The following RNF38 variants were observed in gnomAD, a reference collection of about 807,000 sequenced individuals.
RNF38 encodes the protein ring finger protein 38, also known as E3 ubiquitin-protein ligase RNF38.
Under a neutral mutation model 67.2 loss-of-function variants are expected in RNF38, and 15 were observed. The ratio of observed to expected loss-of-function variants is 0.22; its 90% CI spans 0.15 to 0.34. The LOEUF is 0.34. Among genes scored for constraint, RNF38 ranks in the 10% least tolerant of loss-of-function variants. The pLI is 1.00. For missense variants in RNF38, 524 were observed against 639.9 expected (o/e 0.82, Z 1.95); for synonymous variants, 220 against 218.8 (o/e 1.01, Z -0.05).
intron 1 of RNF38, among the ~76,000 whole-genome samples, chr9:36,482,984 C>G (rs1840312883): frequency 6.6e-6 from 1 of 152,200 alleles, no homozygotes; most frequent in South Asian, 2.1e-4. Flanking sequence ...ACACCAGGTA[C>G]TCATCTTGGT....
intron 2 of RNF38, among the ~76,000 whole-genome samples, chr9:36,423,359 T>C (rs1451286050): frequency 3.3e-5 from 5 of 152,068 alleles, no homozygotes; most frequent in Non-Finnish European, 5.9e-5. Context: ...AAAGAAACCA[T>C]TTGGAAAATC....
intron 2 of RNF38, among the ~76,000 whole-genome samples, chr9:36,412,799 G>A (rs187030130): frequency 5.9e-5 from 9 of 152,248 alleles, no homozygotes; most frequent in Non-Finnish European, 8.8e-5. Context: ...AGGGTCAGGC[G>A]CGGTGGTTCA....
At chr9:36,401,918 C>G (rs1369317500), upstream of RNF38, among the ~76,000 whole-genome samples, 1 of 152,224 alleles carries the variant, frequency 6.6e-6, no homozygotes, top group African/African-American at 2.4e-5. Context: ...CTTTCCCTCT[C>G]TGGGCCTCAG....
chr9:36,358,001 C>CA, intron 4 of RNF38, 59 bp from the exon 5 acceptor site: 1 of 1,420,342 alleles, frequency 7.0e-7, no homozygotes, highest in East Asian at 2.3e-5. Flanking sequence ...GTTAACTATT[C>CA]AAAATCAACA....
chr9:36,394,831 C>T (rs1837401085), intron 1 of RNF38, among the ~76,000 whole-genome samples: 1 of 152,202 alleles, frequency 6.6e-6, no homozygotes, highest in South Asian at 2.1e-4. Context: ...CTATTTAAAA[C>T]CATTTTTAGT....
At chr9:36,376,608 C>A (rs1041482099) in intron 2 of RNF38, among the ~76,000 whole-genome samples, 1 of 152,052 alleles carries the variant, frequency 6.6e-6, no homozygotes, top group African/African-American at 2.4e-5. Context: ...TCTGTTTAGG[C>A]CACTATATTT....
At chr9:36,349,968 G>A (rs1458438211) in intron 9 of RNF38, among the ~76,000 whole-genome samples, 2 of 151,930 alleles carry the variant, frequency 1.3e-5, no homozygotes, top group Non-Finnish European at 2.9e-5. Flanking sequence ...ACAGGCACCC[G>A]CCACCACGCC....
chr9:36,358,414 CTGA>C (rs1261312309), intron 4 of RNF38, among the ~76,000 whole-genome samples: 3 of 152,202 alleles, frequency 2.0e-5, no homozygotes, highest in Non-Finnish European at 2.9e-5. Context: ...GCAAACGATG[CTGA>C]TAACATATCC....
chr9:36,337,265 TAAGC>T lies in RNF38; in HGVS notation c.*2483_*2486del, dbSNP rs1412321876. On this transcript the variant is annotated 3_prime_UTR_variant, in exon 12 of 12. Transcript: ENST00000259605. ...TGTTCCTGATACACACTAACCACAA[TAAGC>T]AAGTCTGCACACATCTCTATGAGCC... The T allele has an allele frequency of 1.3e-5, 2 of 152,348 alleles. No individual in the cohort carries two copies. The highest frequency in any genetic ancestry group is 2.9e-5 in the Non-Finnish European group (2 of 68,040). 9.4% of individuals were successfully genotyped at this position (152,348 alleles called of 1,614,324 possible).
intron 1 of RNF38, among the ~76,000 whole-genome samples, chr9:36,398,953 A>C (rs1837765780): frequency 6.6e-6 from 1 of 152,210 alleles, no homozygotes; most frequent in South Asian, 2.1e-4. Context: ...CAGCCTCAAA[A>C]AAAGAAAGTG....
intron 1 of RNF38, among the ~76,000 whole-genome samples, chr9:36,395,945 A>G (rs1205497331): frequency 6.6e-6 from 1 of 152,238 alleles, no homozygotes; most frequent in East Asian, 1.9e-4. Context: ...GTAGGGTTAT[A>G]TATGAACAGG....
intron 1 of RNF38, among the ~76,000 whole-genome samples, chr9:36,427,502 G>A (rs1196699736): frequency 6.6e-6 from 1 of 152,150 alleles, no homozygotes; most frequent in Non-Finnish European, 1.5e-5. Context: ...AAGGCAGAGA[G>A]CTCATGAATA....
chr9:36,401,197 A>AGGGGG, upstream of RNF38: 1 of 869,174 alleles, frequency 1.2e-6, no homozygotes, highest in Non-Finnish European at 1.4e-6. Flanking sequence ...CCGAGGGGGA[A>AGGGGG]GGGGGCGGGG....
At chr9:36,466,069 A>G (rs547735446) in intron 1 of RNF38, among the ~76,000 whole-genome samples, 2 of 152,338 alleles carry the variant, frequency 1.3e-5, no homozygotes, top group East Asian at 3.9e-4. Context: ...AGTAAAAAAA[A>G]GTAACAAAGT....
At chr9:36,415,714 T>C (rs548087036) in intron 2 of RNF38, among the ~76,000 whole-genome samples, 3 of 152,150 alleles carry the variant, frequency 2.0e-5, no homozygotes, top group South Asian at 2.1e-4. Flanking sequence ...CCGATGGAGG[T>C]AGCAGGGGAA....
At chr9:36,468,542 T>C (rs557796151) in intron 1 of RNF38, among the ~76,000 whole-genome samples, 19 of 152,338 alleles carry the variant, frequency 1.2e-4, no homozygotes, top group African/African-American at 4.1e-4. Context: ...CCTGGCGTGG[T>C]GGCTCACGCC....
chr9:36,457,081 T>C (rs1242463362), intron 1 of RNF38, among the ~76,000 whole-genome samples: 2 of 151,428 alleles, frequency 1.3e-5, no homozygotes. Flanking sequence ...GGAGCTAAAT[T>C]TTGCCCTAAT....
chr9:36,430,735 C>A (rs576496258), intron 1 of RNF38, among the ~76,000 whole-genome samples: 3 of 151,808 alleles, frequency 2.0e-5, no homozygotes, highest in African/African-American at 7.3e-5. Context: ...GGACTTCGGG[C>A]GGCGGGGGTG....
At chr9:36,441,074 C>T (rs1025517844) in intron 1 of RNF38, among the ~76,000 whole-genome samples, 1 of 151,886 alleles carries the variant, frequency 6.6e-6, no homozygotes, top group Non-Finnish European at 1.5e-5. Flanking sequence ...GTGGGAGAGT[C>T]GGGTCCTGGG....
Sources: gnomAD v4.1 joint callset for allele counts (sites outside exome capture counted in the v4.1 genomes callset) on GRCh38, gnomAD v4.1.1 for gene constraint, MANE v1.5 for transcripts, NCBI Gene and HGNC (gene_info 2026-07-23, HGNC 2026-07-21) for gene names.